Variants in GABRB1 observed in about 807,000 individuals in gnomAD.
The protein encoded by GABRB1 is gamma-aminobutyric acid type A receptor subunit beta1, also known as gamma-aminobutyric acid receptor subunit beta-1.
A neutral mutation model predicts 51.6 loss-of-function variants in GABRB1; 17 were observed. The ratio of observed to expected loss-of-function variants is 0.33; its 90% confidence interval spans 0.23 to 0.49. The LOEUF is 0.49. Among genes scored for constraint, GABRB1 ranks in the 20% least tolerant of loss-of-function variants. GABRB1 has a pLI of 0.99. For missense variants in GABRB1, 410 were observed against 600.6 expected (o/e 0.68, Z 3.32); for synonymous variants, 247 against 218.9 (o/e 1.13, Z -1.14).
At chr4:47,325,690 A>G (rs964419103) in intron 5 of GABRB1, among the ~76,000 whole-genome samples, 2 of 152,008 alleles carry the variant, frequency 1.3e-5, no homozygotes, top group African/African-American at 2.4e-5. Context: ...GCTTTTCCCC[A>G]CCATAGTTCT....
intron 5 of GABRB1, among the ~76,000 whole-genome samples, chr4:47,326,908 C>A (rs1362908575): frequency 6.6e-6 from 1 of 152,126 alleles, no homozygotes; most frequent in East Asian, 1.9e-4. Flanking sequence ...TTTCTTTCCC[C>A]CATAGATTAT....
At chr4:47,295,499 A>C (rs1170868126) in intron 4 of GABRB1, among the ~76,000 whole-genome samples, 1 of 152,222 alleles carries the variant, frequency 6.6e-6, no homozygotes, top group East Asian at 1.9e-4. Context: ...ACTGGAAGAA[A>C]GGGTATCAGT....
chr4:47,401,447 G>A lies in GABRB1; in HGVS notation c.545-1871G>A, dbSNP rs183792043. Among the ~76,000 whole-genome samples, 9 of 152,182 alleles carry A rather than the reference G, an allele frequency of 5.9e-5. No homozygotes were observed. The East Asian group carries it at 1.5e-3, about 26-fold the overall frequency. The stretch of plus-strand genomic sequence containing the variant: ...TGGTAATACCCTTCCTTCTTTAGTA[G>A]GCCCAACAGCCCCTTCACCCAGCTA... On this transcript the variant is annotated intron_variant, in intron 5 of 8. Transcript: ENST00000295454.
rs144746671 is a variant in GABRB1 at position 47,391,628 on chromosome 4, T to G, written c.545-11690T>G. On this transcript the variant is annotated intron_variant, in intron 5 of 8. Transcript: ENST00000295454. The stretch of plus-strand genomic sequence containing the variant: ...AAGCCTAAAATTAATACACAGATTT[T>G]TGCATTTCCTTGGTGCCCAGACTTA... Among the ~76,000 whole-genome samples the G allele has an allele frequency of 6.1e-3, 925 of 152,318 alleles. 4 individuals carry two copies. Among genetic ancestry groups the G allele is most frequent in the Non-Finnish European group, 8.6e-3 (583 of 68,030 alleles).
intron 5 of GABRB1, among the ~76,000 whole-genome samples, chr4:47,371,835 T>G (rs1297032263): frequency 1.3e-5 from 2 of 152,222 alleles, no homozygotes; most frequent in Non-Finnish European, 2.9e-5. Flanking sequence ...ACTCTGGATA[T>G]TAGACCTTTG....
At chr4:47,103,125 T>C (rs970728106) in intron 3 of GABRB1, among the ~76,000 whole-genome samples, 5 of 152,006 alleles carry the variant, frequency 3.3e-5, no homozygotes, top group Admixed American at 3.3e-4. Flanking sequence ...GTAAGTTGAC[T>C]TTGAGGAATC....
intron 4 of GABRB1, among the ~76,000 whole-genome samples, chr4:47,208,154 A>G (rs1720214197): frequency 6.6e-6 from 1 of 152,096 alleles, no homozygotes; most frequent in African/African-American, 2.4e-5. Context: ...TTATTCATCC[A>G]TAAGAAGGAA....
intron 3 of GABRB1, among the ~76,000 whole-genome samples, chr4:47,041,682 G>A (rs748439260): frequency 4.6e-5 from 7 of 151,976 alleles, no homozygotes; most frequent in Non-Finnish European, 7.4e-5. Flanking sequence ...CATGACTCAC[G>A]GAGATATTTT....
intron 5 of GABRB1, among the ~76,000 whole-genome samples, chr4:47,330,502 G>A (rs536463684): frequency 1.3e-5 from 2 of 152,292 alleles, no homozygotes; most frequent in Non-Finnish European, 2.9e-5. Flanking sequence ...CAAGAAGGTA[G>A]ATTTAGAAGT....
At chr4:47,076,306 G>T (rs1727546060) in intron 3 of GABRB1, among the ~76,000 whole-genome samples, 1 of 152,186 alleles carries the variant, frequency 6.6e-6, no homozygotes, top group South Asian at 2.1e-4. Context: ...TTGCATGGGG[G>T]TTCCCACTGC....
At chr4:47,171,771 C>T (rs6447537) in intron 4 of GABRB1, among the ~76,000 whole-genome samples, 130,916 of 152,096 alleles carry the variant, frequency 0.86, 56,356 homozygotes, top group Middle Eastern at 0.92. Flanking sequence ...ATAATACTAT[C>T]GCCTATGTAA....
intron 4 of GABRB1, among the ~76,000 whole-genome samples, chr4:47,185,597 G>A (rs1443988243): frequency 2.6e-5 from 4 of 151,746 alleles, no homozygotes; most frequent in Admixed American, 1.3e-4. Context: ...CAAGCAGAGC[G>A]ATGGAATCAT....
intron 1 of GABRB1, among the ~76,000 whole-genome samples, chr4:47,012,319 G>T (rs1724605567): frequency 6.6e-6 from 1 of 152,108 alleles, no homozygotes; most frequent in African/African-American, 2.4e-5. Flanking sequence ...GTATACATTA[G>T]TTATTTTTCT....
At chr4:47,296,745 T>A (rs1227275983) in intron 4 of GABRB1, among the ~76,000 whole-genome samples, 1 of 152,192 alleles carries the variant, frequency 6.6e-6, no homozygotes, top group Non-Finnish European at 1.5e-5. Flanking sequence ...AACTCAGCTC[T>A]GCACTAAGTG....
At chr4:47,085,462 C>T (rs1290794222) in intron 3 of GABRB1, among the ~76,000 whole-genome samples, 6 of 152,180 alleles carry the variant, frequency 3.9e-5, no homozygotes, top group East Asian at 1.9e-4. Flanking sequence ...TTTCTGCGCT[C>T]ATCAACTTAC....
At chr4:47,208,004 CA>C (rs564919711) in intron 4 of GABRB1, among the ~76,000 whole-genome samples, 64 of 149,438 alleles carry the variant, frequency 4.3e-4, no homozygotes, top group African/African-American at 1.3e-3. Context: ...TGACTAATGA[CA>C]AAAAAAAATG....
At chr4:47,389,187 G>A (rs1727900161) in intron 5 of GABRB1, among the ~76,000 whole-genome samples, 1 of 152,074 alleles carries the variant, frequency 6.6e-6, no homozygotes, top group South Asian at 2.1e-4. Context: ...AGTACTGTGG[G>A]GTTACAATTT....
chr4:47,309,875 TATATGCATTTTTTATTTCTTTGGAAGC>T (rs1181471069), intron 4 of GABRB1, among the ~76,000 whole-genome samples: 1 of 152,182 alleles, frequency 6.6e-6, no homozygotes, highest in Non-Finnish European at 1.5e-5. Flanking sequence ...ATAGTAGTGT[TATATGCATTTTTTATTTCTTTGGAAGC>T]ATATTGACTG....
chr4:47,016,710 T>C (rs961849542), intron 1 of GABRB1, among the ~76,000 whole-genome samples: 4 of 152,126 alleles, frequency 2.6e-5, no homozygotes, highest in Non-Finnish European at 5.9e-5. Context: ...TGCCTCAGCC[T>C]CCTGAGCATC....
Sources: gnomAD v4.1 joint callset for allele counts (sites outside exome capture counted in the v4.1 genomes callset) on GRCh38, gnomAD v4.1.1 for gene constraint, MANE v1.5 for transcripts, NCBI Gene and HGNC (gene_info 2026-07-23, HGNC 2026-07-21) for gene names.